FSTL4: variants seen among roughly 807,000 people sequenced by gnomAD.
The protein encoded by FSTL4 is follistatin-related protein 4.
FSTL4 carries 28 observed loss-of-function variants against 78.2 expected under a neutral mutation model. The ratio of observed to expected loss-of-function variants is 0.36; its 90% CI spans 0.27 to 0.49. The LOEUF (loss-of-function observed/expected upper bound fraction) is 0.49, where lower values mean the gene tolerates loss of function less well. FSTL4 is among the 20% of genes least tolerant of loss of function. The pLI is 0.98. For missense variants in FSTL4, 922 were observed against 1,084.9 expected, an observed-to-expected ratio of 0.85 and a Z score of 2.11; for synonymous variants, 422 against 440.5, an observed-to-expected ratio of 0.96 and a Z score of 0.53.
At chr5:133,345,295 TA>T (rs1221231866) in intron 4 of FSTL4, among the ~76,000 whole-genome samples, 1 of 152,206 alleles carries the variant, frequency 6.6e-6, no homozygotes, top group East Asian at 1.9e-4. Context: ...TAAATTTGTT[TA>T]AGTTCCTTGT....
chr5:133,343,156 T>A (rs1255693500), intron 4 of FSTL4, among the ~76,000 whole-genome samples: 1 of 152,182 alleles, frequency 6.6e-6, no homozygotes, highest in Non-Finnish European at 1.5e-5. Flanking sequence ...AACTTTTTTA[T>A]TTCAGTTAGC....
chr5:133,706,187 AC>A, the FSTL4 span, among the ~76,000 whole-genome samples: 1 of 152,234 alleles, frequency 6.6e-6, no homozygotes, highest in Non-Finnish European at 1.5e-5. Context: ...TCTGTTAATT[AC>A]GGGCAATAAT....
chr5:133,494,898 G>A (rs550065372), intron 3 of FSTL4, among the ~76,000 whole-genome samples: 1 of 152,360 alleles, frequency 6.6e-6, no homozygotes, highest in African/African-American at 2.4e-5. Flanking sequence ...AACATGGAAA[G>A]TGAACTGTGT....
chr5:133,453,142 T>C (rs1757415502), intron 3 of FSTL4, among the ~76,000 whole-genome samples: 2 of 152,204 alleles, frequency 1.3e-5, no homozygotes, highest in Non-Finnish European at 1.5e-5. Context: ...CTGTATCTTC[T>C]ATGTCACTCT....
the FSTL4 span, among the ~76,000 whole-genome samples, chr5:133,681,723 G>T: frequency 6.6e-6 from 1 of 152,202 alleles, no homozygotes; most frequent in East Asian, 1.9e-4. Flanking sequence ...GAACATTCCA[G>T]CTGGTGGAAG....
intron 5 of FSTL4, among the ~76,000 whole-genome samples, chr5:133,313,125 G>T (rs1039271800): frequency 1.3e-5 from 2 of 152,192 alleles, no homozygotes; most frequent in Admixed American, 6.5e-5. Context: ...TGGGGAGACA[G>T]GAGAGAAAAG....
At chr5:133,804,225 C>A in the FSTL4 span, among the ~76,000 whole-genome samples, 2 of 152,318 alleles carry the variant, frequency 1.3e-5, no homozygotes, top group Admixed American at 1.3e-4. Context: ...GGCAACAAGA[C>A]CAAAGTCTCC....
the FSTL4 span, among the ~76,000 whole-genome samples, chr5:133,833,514 T>C: frequency 2.0e-5 from 3 of 152,240 alleles, no homozygotes; most frequent in Non-Finnish European, 4.4e-5. Flanking sequence ...TTCAGAGTCA[T>C]GACCTTTCTT....
chr5:133,240,820 C>T (rs1366861801), intron 7 of FSTL4, among the ~76,000 whole-genome samples: 1 of 152,054 alleles, frequency 6.6e-6, no homozygotes, highest in African/African-American at 2.4e-5. Context: ...CCTGGGAAGC[C>T]CTGAGAGGAA....
At chr5:133,636,567 C>A in the FSTL4 span, among the ~76,000 whole-genome samples, 1 of 152,166 alleles carries the variant, frequency 6.6e-6, no homozygotes, top group Non-Finnish European at 1.5e-5. Flanking sequence ...CTCTCTGTGC[C>A]TCAGTTTTCT....
chr5:133,834,564 A>T, the FSTL4 span, among the ~76,000 whole-genome samples: 1 of 152,186 alleles, frequency 6.6e-6, no homozygotes, highest in Non-Finnish European at 1.5e-5. Flanking sequence ...GACTGGAAAA[A>T]GTATCAAGAT....
the FSTL4 span, among the ~76,000 whole-genome samples, chr5:133,795,200 AG>A: frequency 7.2e-5 from 11 of 152,312 alleles, no homozygotes; most frequent in Non-Finnish European, 1.2e-4. Context: ...CTGAATGTAC[AG>A]GCTGGCTATG....
At chr5:133,654,757 T>C in the FSTL4 span, among the ~76,000 whole-genome samples, 1 of 152,166 alleles carries the variant, frequency 6.6e-6, no homozygotes, top group Non-Finnish European at 1.5e-5. Flanking sequence ...GCATCCTTGA[T>C]GGAGAGCGCC....
the FSTL4 span, among the ~76,000 whole-genome samples, chr5:133,621,685 C>G: frequency 6.6e-6 from 1 of 152,046 alleles, no homozygotes. Flanking sequence ...ACCAAAACCT[C>G]ACAAATCACC....
At chr5:133,697,062 A>T in the FSTL4 span, among the ~76,000 whole-genome samples, 2 of 152,130 alleles carry the variant, frequency 1.3e-5, no homozygotes, top group African/African-American at 4.8e-5. Context: ...GGGTAGGGGG[A>T]GGGCTTGGAA....
chr5:133,225,070 C>T lies in FSTL4; in HGVS notation c.1312+80G>A. Reference sequence around the variant, plus strand: ...CGGGCTCATGGTTGGCAGCTGTGGCCCTGGTCAATTGGTGCCCTCCCTTGC... The same window carrying T: ...CGGGCTCATGGTTGGCAGCTGTGGCTCTGGTCAATTGGTGCCCTCCCTTGC... On this transcript the variant is annotated intron_variant, in intron 10 of 15. Coordinates refer to ENST00000265342, the MANE Select transcript of FSTL4 (RefSeq NM_015082.2). This position sits in a 1 kb window ranked among gnomAD's most constrained non-coding sequence, Gnocchi z 4.6. The T allele has an allele frequency of 2.0e-6, 3 of 1,521,532 alleles. No homozygotes were observed. Among genetic ancestry groups the T allele is most frequent in the Non-Finnish European group, 2.7e-6 (3 of 1,100,106 alleles). 94.3% of individuals were successfully genotyped at this position (1,521,532 alleles called of 1,614,324 possible). A position where few individuals can be genotyped will look rare whatever the true frequency, so the allele number is the denominator to read the frequency against.
intron 3 of FSTL4, among the ~76,000 whole-genome samples, chr5:133,476,261 CA>C (rs1262769308): frequency 6.6e-6 from 1 of 152,142 alleles, no homozygotes; most frequent in Admixed American, 6.5e-5. Context: ...AGCTCAGTTA[CA>C]AAAAGATGAA....
intron 3 of FSTL4, among the ~76,000 whole-genome samples, chr5:133,548,024 C>G (rs1184303919): frequency 6.6e-6 from 1 of 152,152 alleles, no homozygotes; most frequent in African/African-American, 2.4e-5. Context: ...ACTGATGTGC[C>G]AGGAGAACAA....
intron 8 of FSTL4, among the ~76,000 whole-genome samples, chr5:133,226,935 A>G (rs1751352522): frequency 1.3e-5 from 2 of 152,172 alleles, no homozygotes. Flanking sequence ...GGCAGAGGAT[A>G]AAAGAAAAAC....
Sources: allele counts gnomAD v4.1 joint callset (sites outside exome capture counted in the v4.1 genomes callset), GRCh38; gene constraint gnomAD v4.1.1; non-coding constraint Gnocchi (gnomAD v3.1); transcripts MANE v1.5; gene names NCBI Gene and HGNC (gene_info 2026-07-23, HGNC 2026-07-21).